Variants in MLLT6 observed in about 807,000 individuals in gnomAD.
The protein encoded by MLLT6 is MLLT6, PHD finger containing.
Under a neutral mutation model 103.0 loss-of-function variants are expected in MLLT6, and 22 were observed. The ratio of observed to expected loss-of-function variants is 0.21; its 90% CI spans 0.15 to 0.31. MLLT6 has a LOEUF of 0.31. Ranked by LOEUF, MLLT6 falls within the 10% of genes least tolerant of loss-of-function variation. The pLI is 1.00. For missense variants in MLLT6, 1,199 were observed against 1,441.7 expected, an observed-to-expected ratio of 0.83 and a Z score of 2.73; for synonymous variants, 606 against 623.5, an observed-to-expected ratio of 0.97 and a Z score of 0.42.
intron 14 of MLLT6, chr17:38,720,097 G>A (rs1399060924): frequency 2.5e-6 from 2 of 794,596 alleles, no homozygotes; most frequent in Non-Finnish European, 3.9e-6. Flanking sequence ...TTTGGCCTTC[G>A]TGGCCTCCGG....
At chr17:38,725,536 C>T (rs1463489250) in intron 19 of MLLT6, 21 bp from the exon 20 acceptor site, 7 of 1,605,988 alleles carry the variant, frequency 4.4e-6, no homozygotes, top group Non-Finnish European at 6.0e-6. Flanking sequence ...ACACCCCCGG[C>T]CTCCCTCCCT....
chr17:38,715,889 C>T (rs568519033), intron 9 of MLLT6, 61 bp downstream of exon 9: 5 of 1,418,680 alleles, frequency 3.5e-6, no homozygotes, highest in Admixed American at 4.2e-5. Context: ...CTGAGCTTTT[C>T]TGGCAAGGGA....
intron 18 of MLLT6, among the ~76,000 whole-genome samples, chr17:38,723,166 C>A (rs1206109035): frequency 1.3e-5 from 2 of 152,114 alleles, no homozygotes; most frequent in Admixed American, 1.3e-4. Context: ...CCTGTTGGGT[C>A]GGCTGAAACT....
In MLLT6 at chr17:38,717,909, G is replaced by A; in HGVS notation, c.1898G>A (p.Gly633Asp). 6.2e-7 allele frequency: 1 copy of A among 1,613,938 alleles called. No individual in the cohort carries two copies. The highest frequency in any genetic ancestry group is 1.3e-5 in the African/African-American group (1 of 75,024). ...ACCCACATCTTTGGAACCCCCATGG[G>A]TGCCGTTAATCCCCTCCTCTCCCAA... ...PSTHIFGTPM[G>D]AVNPLLSQAE... is the part of the protein sequence containing the mutation. The change falls in exon 12 of 20, where the codon GGT (glycine) becomes GAT (aspartate). Residue 633 changes from glycine to aspartate, a missense_variant. Gly to Asp is a moderately conservative substitution (Grantham distance 94). Transcript: ENST00000621332.
intron 4 of MLLT6, among the ~76,000 whole-genome samples, chr17:38,708,787 C>T (rs545244714): frequency 1.1e-4 from 16 of 152,176 alleles, no homozygotes; most frequent in African/African-American, 3.6e-4. Context: ...CCCAGCTACT[C>T]GGGAGGTTGA....
chr17:38,720,539 G>A lies in MLLT6; in HGVS notation c.2323G>A (p.Val775Ile), dbSNP rs1456196735. ...PAALPAANGPVPGPYGLPPQA... is the reference protein window; with the variant it reads ...PAALPAANGPIPGPYGLPPQA... ...TGCCCTGCCTGCCGCCAACGGCCCT[G>A]TCCCTGGGCCCTATGGCCTGCCTCC... Residue 775 changes from valine to isoleucine, a missense_variant, in exon 15 of 20, where the codon GTC (valine) becomes ATC (isoleucine). Coordinates refer to ENST00000621332, the MANE Select transcript of MLLT6 (RefSeq NM_005937.4). 1.2e-6 allele frequency: 2 copies of A among 1,612,244 alleles called. No individual in the cohort carries two copies. Among genetic ancestry groups the A allele is most frequent in the Non-Finnish European group, 8.5e-7 (1 of 1,179,602 alleles).
chr17:38,727,813 AAAGT>A lies in MLLT6; in HGVS notation c.*2218_*2221del, dbSNP rs1475873680. The A allele has an allele frequency of 4.3e-6, 1 of 231,700 alleles. No individual in the cohort carries two copies. Among genetic ancestry groups the A allele is most frequent in the Non-Finnish European group, 8.5e-6 (1 of 117,074 alleles). 14.4% of individuals were successfully genotyped at this position (231,700 alleles called of 1,614,324 possible). Reference sequence around the variant, plus strand: ...CTGTCTCAAAAGAGAAAAAAAAAGAAAAGTAACCTTCAGAGATTCTTAGAAGAGT... The same window carrying A: ...CTGTCTCAAAAGAGAAAAAAAAAGAAAACCTTCAGAGATTCTTAGAAGAGT... On this transcript the variant is annotated 3_prime_UTR_variant, in exon 20 of 20. Coordinates refer to ENST00000621332, the MANE Select transcript of MLLT6 (RefSeq NM_005937.4).
intron 7 of MLLT6, 60 bp downstream of exon 7, chr17:38,712,074 T>A: frequency 1.4e-6 from 2 of 1,468,034 alleles, no homozygotes; most frequent in Non-Finnish European, 1.8e-6. Context: ...CTCACAAACA[T>A]GGCTCAAAAA....
At chr17:38,706,658 AG>A (rs1185441334) in intron 1 of MLLT6, 4 of 320,136 alleles carry the variant, frequency 1.2e-5, no homozygotes, top group Non-Finnish European at 2.3e-5. Flanking sequence ...GGCTGGTCCG[AG>A]GAAGAAGCTG....
rs1905070589 is a variant in MLLT6, at chr17:38,709,560, C to T, written c.537C>T (p.Tyr179=). 2 of 1,613,568 alleles carry T rather than the reference C, an allele frequency of 1.2e-6. No individual in the cohort carries two copies. The highest frequency in any genetic ancestry group is 1.7e-5 in the Admixed American group (1 of 60,014). Residue 179 remains tyrosine, a synonymous_variant, in exon 6 of 20, where the codon TAC becomes TAT. Transcript: ENST00000621332. The surrounding 1 kb of genome is among the most constrained non-coding windows in gnomAD (Gnocchi z 4.3). ...TCAAGTACTGCGGCTACTGCAAATA[C>T]CACTTCAGCAAGATGGTGAGTCCTG... is the stretch of plus-strand genomic sequence containing the variant. ...DNVKYCGYCK[Y]HFSKMKTSRH...
intron 1 of MLLT6, 46 bp downstream of exon 1, chr17:38,705,787 T>C: frequency 2.1e-6 from 2 of 936,902 alleles, no homozygotes; most frequent in Non-Finnish European, 2.8e-6. Context: ...GGGGGCGGCG[T>C]GCGCGGGGCG....
rs1377175794 is a variant in MLLT6, at chr17:38,705,464, A to AGGACGC, written c.-165_-160dup. ...AGAGCGAGCGAGGAGGAGGAGGAGG[A>AGGACGC]GGACGCGGAGGAGGAGGAAGGAGGA... On this transcript the variant is annotated 5_prime_UTR_variant, in exon 1 of 20. Transcript: ENST00000621332. 4.6e-6 allele frequency: 2 copies of AGGACGC among 432,072 alleles called. No individual in the cohort carries two copies. Among genetic ancestry groups the AGGACGC allele is most frequent in the Admixed American group, 4.3e-5 (1 of 23,468 alleles). The allele number at this position is 432,072 out of a possible 1,614,324, so 26.8% of individuals were successfully genotyped here. A position where few individuals can be genotyped will look rare whatever the true frequency, so the allele number is the denominator to read the frequency against.
intron 13 of MLLT6, 58 bp downstream of exon 13, chr17:38,719,641 G>A (rs1905570270): frequency 6.4e-7 from 1 of 1,568,178 alleles, no homozygotes; most frequent in Middle Eastern, 1.7e-4. Context: ...CCCGAGGGAG[G>A]AGGGACGGAG....
chr17:38,727,240 T>C lies in MLLT6; in HGVS notation c.*1642T>C. 4.3e-6 allele frequency: 1 copy of C among 232,982 alleles called. No individual in the cohort carries two copies. Among genetic ancestry groups the C allele is most frequent in the East Asian group, 6.0e-5 (1 of 16,532 alleles). 14.4% of individuals were successfully genotyped at this position (232,982 alleles called of 1,614,324 possible). A position where few individuals can be genotyped will look rare whatever the true frequency, so the allele number is the denominator to read the frequency against. On this transcript the variant is annotated 3_prime_UTR_variant, in exon 20 of 20. Coordinates refer to ENST00000621332, the MANE Select transcript of MLLT6 (RefSeq NM_005937.4). ...CTGTGCTGCTCAACTGTTTTTTTTT[T>C]CTGATACTGAAAATAATATTAATAT...
intron 19 of MLLT6, 130 bp from the exon 20 acceptor site, chr17:38,725,427 C>T: frequency 1.2e-6 from 1 of 827,138 alleles, no homozygotes; most frequent in Non-Finnish European, 1.9e-6. Flanking sequence ...CCTCAGAGCC[C>T]AGGCCAGAGG....
At chr17:38,717,036 AAC>A (rs1450671476) in intron 10 of MLLT6, 55 bp downstream of exon 10, 1 of 1,601,088 alleles carries the variant, frequency 6.2e-7, no homozygotes, top group African/African-American at 1.3e-5. Context: ...TCTAGTGAGG[AAC>A]AGAGCTTACA....
chr17:38,720,833 TG>T (rs1905690777), intron 16 of MLLT6, 86 bp downstream of exon 16: 1 of 1,223,312 alleles, frequency 8.2e-7, no homozygotes, highest in South Asian at 1.3e-5. Context: ...TATTGGAGGC[TG>T]GGCAATGAAG....
intron 8 of MLLT6, chr17:38,713,191 A>G: frequency 1.6e-6 from 1 of 608,400 alleles, no homozygotes; most frequent in South Asian, 2.1e-5. Flanking sequence ...ACCCAACCCA[A>G]ATCCCACTCT....
chr17:38,729,122 T>C lies in MLLT6; in HGVS notation c.*3524T>C, dbSNP rs1237239870. 8 of 233,226 alleles carry C rather than the reference T, an allele frequency of 3.4e-5. No homozygotes were observed. Among genetic ancestry groups the C allele is most frequent in the Non-Finnish European group, 5.9e-5 (7 of 118,108 alleles). 14.4% of individuals were successfully genotyped at this position (233,226 alleles called of 1,614,324 possible). On this transcript the variant is annotated 3_prime_UTR_variant, in exon 20 of 20. Coordinates refer to ENST00000621332, the MANE Select transcript of MLLT6 (RefSeq NM_005937.4). ...CTCCGAGAAAGGGTAACCTCCACGC[T>C]TCTCTCTCCCAAATTGGAAATGAAG...
Sources: gnomAD v4.1 joint callset for allele counts (sites outside exome capture counted in the v4.1 genomes callset) on GRCh38, gnomAD v4.1.1 for gene constraint, Gnocchi (gnomAD v3.1) non-coding constraint, MANE v1.5 for transcripts, NCBI Gene and HGNC (gene_info 2026-07-23, HGNC 2026-07-21) for gene names.